RP1: variants seen among roughly 807,000 people sequenced by gnomAD.
The protein encoded by RP1 is oxygen-regulated protein 1.
RP1 carries 16 observed loss-of-function variants against 14.8 expected under a neutral mutation model. The observed-to-expected ratio is 1.08, with a 90% CI of 0.73 to 1.65. RP1 has a LOEUF of 1.65. RP1 is among the 40% of genes most tolerant of loss of function. The probability of loss-of-function intolerance (pLI) is 0.00; values close to 1 mark genes in which losing one functional copy is unlikely to be tolerated. For synonymous variants in RP1, 876 were observed against 883.6 expected (o/e 0.99, Z 0.15); for missense variants, 2,631 against 2,535.0 (o/e 1.04, Z -0.81).
intron 12 of RP1, among the ~76,000 whole-genome samples, chr8:54,691,319 T>C (rs1411747505): frequency 1.3e-5 from 2 of 152,068 alleles, no homozygotes; most frequent in South Asian, 2.1e-4. Flanking sequence ...AAAAGGAATG[T>C]TAAGGGAAAA....
chr8:54,658,668 G>A (rs1806810512), intron 6 of RP1, among the ~76,000 whole-genome samples: 1 of 151,898 alleles, frequency 6.6e-6, no homozygotes, highest in Non-Finnish European at 1.5e-5. Flanking sequence ...TACCTATTGT[G>A]AATCATGTTG....
At chr8:54,734,677 G>A in exon 18 of RP1, 1 of 1,535,702 alleles carries the variant, frequency 6.5e-7, no homozygotes, top group Non-Finnish European at 8.7e-7. Context: ...GGAGTCACTG[G>A]GCCAATAAGT....
intron 15 of RP1, among the ~76,000 whole-genome samples, chr8:54,710,236 C>T (rs775254767): frequency 3.7e-4 from 57 of 152,306 alleles, no homozygotes; most frequent in Admixed American, 9.1e-4. Context: ...TAGCCTGCCC[C>T]GCTCAACCCT....
At chr8:54,711,655 T>G (rs2129346838) in intron 15 of RP1, among the ~76,000 whole-genome samples, 1 of 152,360 alleles carries the variant, frequency 6.6e-6, no homozygotes, top group South Asian at 2.1e-4. Flanking sequence ...GCAGCAGGTC[T>G]TCACCTAAAA....
intron 19 of RP1, among the ~76,000 whole-genome samples, chr8:54,743,690 G>A (rs1809153401): frequency 6.6e-6 from 1 of 151,948 alleles, no homozygotes; most frequent in South Asian, 2.1e-4. Context: ...TTGAAAAGAT[G>A]TTTCAGGCTT....
intron 12 of RP1, chr8:54,696,936 T>A: frequency 1.0e-6 from 1 of 982,458 alleles, no homozygotes; most frequent in Non-Finnish European, 1.6e-6. Context: ...CTGGGGAAGT[T>A]TGACATCATT....
intron 19 of RP1, among the ~76,000 whole-genome samples, chr8:54,753,765 T>C (rs1368351668): frequency 6.6e-6 from 1 of 152,066 alleles, no homozygotes; most frequent in African/African-American, 2.4e-5. Flanking sequence ...GTGTGCAAAA[T>C]GATCAGATTT....
chr8:54,811,739 T>G (rs756940192), intron 24 of RP1, among the ~76,000 whole-genome samples: 27 of 152,224 alleles, frequency 1.8e-4, no homozygotes, highest in Admixed American at 9.8e-4. Context: ...GTGCGAAACA[T>G]TCACTAACAT....
chr8:54,756,471 T>C (rs1453446423), intron 21 of RP1, among the ~76,000 whole-genome samples: 7 of 152,204 alleles, frequency 4.6e-5, no homozygotes, highest in Admixed American at 1.3e-4. Flanking sequence ...TTTTGAAACA[T>C]TGGATATCTT....
chr8:54,649,927 A>G (rs1259213297), intron 4 of RP1, among the ~76,000 whole-genome samples: 1 of 152,220 alleles, frequency 6.6e-6, no homozygotes, highest in East Asian at 1.9e-4. Context: ...TAACTTTTCC[A>G]TCCTATATGA....
At chr8:54,775,614 G>A (rs13276543) in intron 23 of RP1, among the ~76,000 whole-genome samples, 2 of 151,834 alleles carry the variant, frequency 1.3e-5, no homozygotes, top group African/African-American at 4.8e-5. Flanking sequence ...AACTGCCCCA[G>A]TTGACACTAT....
chr8:54,786,841 G>A (rs1312476518), intron 24 of RP1, among the ~76,000 whole-genome samples: 2 of 152,028 alleles, frequency 1.3e-5, no homozygotes, highest in Admixed American at 6.6e-5. Flanking sequence ...ATAAGAACTG[G>A]CCCAATATAA....
chr8:54,655,548 C>T (rs1206652597), intron 5 of RP1, among the ~76,000 whole-genome samples: 1 of 152,038 alleles, frequency 6.6e-6, no homozygotes, highest in African/African-American at 2.4e-5. Context: ...TGACCTTATG[C>T]TAATATTTAT....
At chr8:54,765,254 G>A (rs543390318) in intron 22 of RP1, among the ~76,000 whole-genome samples, 4 of 152,354 alleles carry the variant, frequency 2.6e-5, no homozygotes, top group African/African-American at 7.2e-5. Context: ...AACATGAGGC[G>A]CATGCTCTTA....
chr8:54,649,275 A>C, intron 4 of RP1: 1 of 756,038 alleles, frequency 1.3e-6, no homozygotes, highest in Non-Finnish European at 1.8e-6. Flanking sequence ...AAAATAATTT[A>C]TGGAAGTTTT....
At chr8:54,608,519 A>G (rs140560406) in intron 1 of RP1, among the ~76,000 whole-genome samples, 16 of 152,292 alleles carry the variant, frequency 1.1e-4, no homozygotes, top group African/African-American at 3.6e-4. Flanking sequence ...GACTATGAAA[A>G]AAAAGTTGGC....
rs2129314045 is a variant in RP1 at position 54,620,961 on chromosome 8, G to A, written c.-6G>A. ...AATTTTCTTTCTTCTCTAGGTCTCA[G>A]CCAAAATGAGTGATACCCCTTCTAC... On this transcript the variant is annotated 5_prime_UTR_variant, in exon 2 of 4. Transcript: ENST00000220676. The A allele has an allele frequency of 6.2e-7, 1 of 1,614,128 alleles. No individual in the cohort carries two copies. The highest frequency in any genetic ancestry group is 1.7e-5 in the Admixed American group (1 of 60,006).
chr8:54,791,063 T>C (rs935245986), intron 24 of RP1, among the ~76,000 whole-genome samples: 3 of 152,122 alleles, frequency 2.0e-5, no homozygotes, highest in Non-Finnish European at 4.4e-5. Flanking sequence ...ATAAATAAAT[T>C]GTCAAAAATG....
downstream of RP1, among the ~76,000 whole-genome samples, chr8:54,635,728 C>T (rs947311184): frequency 3.9e-5 from 6 of 152,114 alleles, no homozygotes; most frequent in African/African-American, 1.4e-4. Context: ...ACCCAAAACC[C>T]AACACACCCC....
Sources: gnomAD v4.1 joint callset for allele counts (sites outside exome capture counted in the v4.1 genomes callset) on GRCh38, gnomAD v4.1.1 for gene constraint, MANE v1.5 for transcripts, NCBI Gene and HGNC (gene_info 2026-07-23, HGNC 2026-07-21) for gene names.